Variants in ZNF532 observed in about 807,000 individuals in gnomAD.
The protein encoded by ZNF532 is zinc finger protein 532.
ZNF532 carries 22 observed loss-of-function variants against 89.3 expected under a neutral mutation model. That is an observed-to-expected ratio of 0.25 (90% CI 0.18 to 0.35). The LOEUF (loss-of-function observed/expected upper bound fraction) is 0.35. Ranked by LOEUF, ZNF532 falls within the 10% of genes least tolerant of loss-of-function variation. ZNF532 has a pLI of 1.00. For missense variants in ZNF532, 1,132 were observed against 1,643.4 expected (o/e 0.69, Z 5.38); for synonymous variants, 606 against 649.6 (o/e 0.93, Z 1.02).
At chr18:58,873,997 T>C (rs530140412) in intron 2 of ZNF532, among the ~76,000 whole-genome samples, 2 of 126,456 alleles carry the variant, frequency 1.6e-5, no homozygotes, top group East Asian at 2.8e-4. Context: ...ATATATAAAG[T>C]GTTTAGCAGA....
At chr18:58,929,180 A>G (rs905984825) in intron 3 of ZNF532, among the ~76,000 whole-genome samples, 1 of 152,226 alleles carries the variant, frequency 6.6e-6, no homozygotes, top group African/African-American at 2.4e-5. Context: ...ATGTTGAAGC[A>G]TAGGCTCTTA....
intron 5 of ZNF532, among the ~76,000 whole-genome samples, chr18:58,947,522 A>G (rs2063769436): frequency 6.6e-6 from 1 of 152,192 alleles, no homozygotes; most frequent in South Asian, 2.1e-4. Flanking sequence ...CTGTTTCTTG[A>G]TTTTACTGTA....
intron 7 of ZNF532, among the ~76,000 whole-genome samples, chr18:58,975,907 T>C (rs1861210447): frequency 1.3e-5 from 2 of 152,220 alleles, no homozygotes; most frequent in Admixed American, 6.5e-5. Context: ...TCTCAGCTTA[T>C]AGTAAAGCCA....
intron 2 of ZNF532, among the ~76,000 whole-genome samples, chr18:58,907,180 GT>G (rs1053491797): frequency 2.6e-5 from 4 of 151,990 alleles, no homozygotes; most frequent in African/African-American, 9.7e-5. Flanking sequence ...CTGCTTATGA[GT>G]TTTTTGTTTG....
chr18:58,880,776 G>C, intron 2 of ZNF532, among the ~76,000 whole-genome samples: 1 of 148,200 alleles, frequency 6.7e-6, no homozygotes, highest in African/African-American at 2.6e-5. Context: ...GCGCGCGTCT[G>C]TGTGTGTGTG....
chr18:58,982,003 A>C (rs1259302164), intron 9 of ZNF532, among the ~76,000 whole-genome samples: 1 of 136,262 alleles, frequency 7.3e-6, no homozygotes. Context: ...GACTCTCCCA[A>C]AAAAAAAAAA....
chr18:58,960,200 C>T (rs1167062154), intron 7 of ZNF532, among the ~76,000 whole-genome samples: 2 of 152,162 alleles, frequency 1.3e-5, no homozygotes, highest in Admixed American at 6.5e-5. Flanking sequence ...TGAGCCACTG[C>T]GCCTGGCCTG....
chr18:58,981,440 T>C (rs1354888293), intron 8 of ZNF532, 30 bp from the exon 9 acceptor site: 2 of 1,601,236 alleles, frequency 1.2e-6, no homozygotes, highest in Admixed American at 1.7e-5. Context: ...TGTCAGCAAG[T>C]GCGTTATCTC....
chr18:58,961,017 C>T (rs767916075), intron 7 of ZNF532, among the ~76,000 whole-genome samples: 25 of 152,210 alleles, frequency 1.6e-4, no homozygotes, highest in Non-Finnish European at 2.9e-4. Context: ...TTCTTTGTGG[C>T]TGCTGATGTA....
intron 5 of ZNF532, among the ~76,000 whole-genome samples, chr18:58,945,580 T>C (rs1380726710): frequency 1.3e-5 from 2 of 152,004 alleles, no homozygotes; most frequent in African/African-American, 4.8e-5. Flanking sequence ...ACAGAATCCC[T>C]CCCCAAAGGA....
intron 2 of ZNF532, among the ~76,000 whole-genome samples, chr18:58,902,491 CCTT>C (rs1316776303): frequency 4.6e-5 from 7 of 151,578 alleles, no homozygotes; most frequent in African/African-American, 1.5e-4. Context: ...TGACCCTTCT[CCTT>C]CTTTTTTTTT....
intron 2 of ZNF532, among the ~76,000 whole-genome samples, chr18:58,879,150 C>T (rs182258151): frequency 2.5e-3 from 381 of 152,328 alleles, no homozygotes; most frequent in Middle Eastern, 6.8e-3. Context: ...GAGGCACGCC[C>T]GGCGGGGCCT....
rs374146356 is a variant in ZNF532, at chr18:58,984,158, G to A, written c.3598G>A (p.Gly1200Ser). 7.1e-5 allele frequency: 114 copies of A among 1,611,768 alleles called. No homozygotes were observed. Among genetic ancestry groups the A allele is most frequent in the Non-Finnish European group, 8.9e-5 (105 of 1,179,860 alleles). Residue 1200 changes from glycine to serine, a missense_variant, in exon 10 of 10, where the codon GGT becomes AGT. Transcript: ENST00000591808. Reference sequence around the variant, plus strand: ...ACACATCCCTCAGCACAAATCGGATGGTTCTTCCTACCAGTGCCGGGAGTG... The same window carrying A: ...ACACATCCCTCAGCACAAATCGGATAGTTCTTCCTACCAGTGCCGGGAGTG... ...HEHIPQHKSD[G>S]SSYQCRECGL...
chr18:58,868,394 A>G (rs920436591), intron 2 of ZNF532, among the ~76,000 whole-genome samples: 1 of 152,216 alleles, frequency 6.6e-6, no homozygotes, highest in Admixed American at 6.5e-5. Flanking sequence ...GTTTTGGCAT[A>G]TGTGTAGAGT....
chr18:58,865,968 T>G (rs1392915164), intron 2 of ZNF532, among the ~76,000 whole-genome samples: 1 of 152,222 alleles, frequency 6.6e-6, no homozygotes, highest in Non-Finnish European at 1.5e-5. Flanking sequence ...CCTAGCCACC[T>G]TTTTAGGATT....
intron 2 of ZNF532, among the ~76,000 whole-genome samples, chr18:58,899,556 C>T (rs1323268057): frequency 1.3e-5 from 2 of 152,134 alleles, no homozygotes; most frequent in Non-Finnish European, 2.9e-5. Flanking sequence ...GCAACCTCTG[C>T]CTCCCGGGTT....
intron 3 of ZNF532, among the ~76,000 whole-genome samples, chr18:58,929,806 A>C (rs952605848): frequency 6.6e-6 from 1 of 152,224 alleles, no homozygotes; most frequent in Non-Finnish European, 1.5e-5. Context: ...GCTTGGTATG[A>C]CTTCCATTTA....
intron 5 of ZNF532, among the ~76,000 whole-genome samples, chr18:58,943,077 C>T (rs1313699812): frequency 6.6e-6 from 1 of 151,940 alleles, no homozygotes; most frequent in Admixed American, 6.6e-5. Flanking sequence ...GCATAGTACC[C>T]TGCTGTTTAA....
At chr18:58,900,610 T>A (rs1431538251) in intron 2 of ZNF532, among the ~76,000 whole-genome samples, 1 of 152,198 alleles carries the variant, frequency 6.6e-6, no homozygotes, top group Non-Finnish European at 1.5e-5. Flanking sequence ...CTTCATGATC[T>A]GGTGGTCACC....
Sources: gnomAD v4.1 joint callset for allele counts (sites outside exome capture counted in the v4.1 genomes callset) on GRCh38, gnomAD v4.1.1 for gene constraint, MANE v1.5 for transcripts, NCBI Gene and HGNC (gene_info 2026-07-23, HGNC 2026-07-21) for gene names.